SCN1A: variants seen among roughly 807,000 people sequenced by gnomAD.
SCN1A encodes sodium voltage-gated channel alpha subunit 1.
SCN1A carries 13 observed loss-of-function variants against 193.7 expected under a neutral mutation model. The ratio of observed to expected loss-of-function variants is 0.07; its 90% CI spans 0.04 to 0.11. The LOEUF is 0.11. Among genes scored for constraint, SCN1A ranks in the 10% least tolerant of loss-of-function variants. The pLI, the probability that SCN1A is intolerant of heterozygous loss-of-function variation, is 1.00. For missense variants in SCN1A, 1,432 were observed against 2,451.1 expected (o/e 0.58, Z 8.78); for synonymous variants, 781 against 843.6 (o/e 0.93, Z 1.29).
intron 2 of SCN1A, among the ~76,000 whole-genome samples, chr2:166,083,667 A>G (rs1466663925): frequency 6.6e-6 from 1 of 151,958 alleles, no homozygotes; most frequent in Non-Finnish European, 1.5e-5. Context: ...GATTAATTTC[A>G]TTTTTTTCCT....
intron 1 of SCN1A, 106 bp downstream of exon 1, chr2:166,127,665 A>C (rs568709073): frequency 6.6e-6 from 1 of 152,442 alleles, no homozygotes; most frequent in Non-Finnish European, 1.5e-5. Flanking sequence ...ACATACAAAA[A>C]TGGACTTCCT....
intron 4 of SCN1A, among the ~76,000 whole-genome samples, chr2:166,071,453 G>A (rs1399951453): frequency 2.0e-5 from 3 of 151,980 alleles, no homozygotes; most frequent in Non-Finnish European, 2.9e-5. Flanking sequence ...ACTGTAAAAT[G>A]AATAGATCAG....
intron 21 of SCN1A, 80 bp downstream of exon 21, chr2:166,013,664 G>A: frequency 1.5e-6 from 2 of 1,310,860 alleles, no homozygotes; most frequent in Non-Finnish European, 2.2e-6. Flanking sequence ...CTAAGACAAT[G>A]AAACAAAGGA....
At chr2:166,038,769 TGCCAGTA>T (rs1485168549) in intron 17 of SCN1A, among the ~76,000 whole-genome samples, 1 of 152,240 alleles carries the variant, frequency 6.6e-6, no homozygotes, top group African/African-American at 2.4e-5. Flanking sequence ...GATATTAATT[TGCCAGTA>T]GTGTGCAAAG....
chr2:166,124,273 G>T (rs566653098), intron 2 of SCN1A, among the ~76,000 whole-genome samples: 1 of 151,814 alleles, frequency 6.6e-6, no homozygotes, highest in East Asian at 1.9e-4. Context: ...AAATAGCCCG[G>T]TGTGATGGCT....
In SCN1A at chr2:165,986,863, C is replaced by T. The variant is rs1040908275; in HGVS notation, c.*4382G>A. 1.3e-5 allele frequency: 2 copies of T among 151,996 alleles called. No individual in the cohort carries two copies. The highest frequency in any genetic ancestry group is 4.8e-5 in the African/African-American group (2 of 41,400). The allele number at this position is 151,996 out of a possible 1,614,324, so 9.4% of individuals were successfully genotyped here. On this transcript the variant is annotated 3_prime_UTR_variant, in exon 29 of 29. Coordinates refer to ENST00000674923, the MANE Select transcript of SCN1A (RefSeq NM_001165963.4). ...TTGCATTCACCCCTAAATACTTTAG[C>T]ATGCATTTTCAGAGAATAAGAACAT...
chr2:165,999,613 A>G (rs181920114), intron 25 of SCN1A, 110 bp downstream of exon 25: 1 of 850,456 alleles, frequency 1.2e-6, no homozygotes, highest in African/African-American at 1.7e-5. Context: ...TTTTTCCCAA[A>G]TATTTTAAAT....
At chr2:166,126,233 C>T (rs1691229612) in intron 2 of SCN1A, 1 of 152,168 alleles carries the variant, frequency 6.6e-6, no homozygotes, top group Admixed American at 6.5e-5. Context: ...AAAATCTCTT[C>T]CAGGAGCTTT....
At chr2:166,050,162 T>G (rs1352172994) in intron 9 of SCN1A, among the ~76,000 whole-genome samples, 3 of 152,014 alleles carry the variant, frequency 2.0e-5, no homozygotes, top group Non-Finnish European at 4.4e-5. Flanking sequence ...CTGGATGAAT[T>G]TTTGATATCT....
intron 19 of SCN1A, among the ~76,000 whole-genome samples, chr2:166,024,252 T>C (rs1694453761): frequency 6.6e-6 from 1 of 151,852 alleles, no homozygotes; most frequent in African/African-American, 2.4e-5. Context: ...AACAAACAAA[T>C]AAATAAATGA....
chr2:166,112,012 G>A (rs1689345004), intron 2 of SCN1A, among the ~76,000 whole-genome samples: 1 of 152,092 alleles, frequency 6.6e-6, no homozygotes, highest in Admixed American at 6.6e-5. Flanking sequence ...AAGATGCTGA[G>A]GACATTGTTG....
Position 166,036,412 on chromosome 2 carries a change from C to T in SCN1A, c.3065G>A (p.Gly1022Glu). The stretch of plus-strand genomic sequence containing the variant: ...TATTTTTCTTTTCACATAAGCTACT[C>T]CTTTGTGCATCCTATCCACAGCAAT... ...LQIAVDRMHK[G>E]VAYVKRKIYE... Residue 1022 changes from glycine (G) to glutamate (E), a missense_variant, in exon 19 of 29, where the codon GGA becomes GAA. Physicochemically the swap from Gly to Glu is moderately conservative, Grantham distance 98. Around this residue, in one of 18 missense-constraint regions of SCN1A, gnomAD observed 198 missense variants for 225.8 expected, o/e 0.88. Coordinates refer to ENST00000674923, the MANE Select transcript of SCN1A (RefSeq NM_001165963.4). 6.2e-7 allele frequency: 1 copy of T among 1,603,356 alleles called. No homozygotes were observed.
chr2:166,068,380 G>A (rs1684063237), intron 4 of SCN1A, among the ~76,000 whole-genome samples: 1 of 152,098 alleles, frequency 6.6e-6, no homozygotes, highest in Non-Finnish European at 1.5e-5. Flanking sequence ...AGAAGCACAA[G>A]GAAGAAATAG....
At chr2:166,119,445 A>G (rs1690285687) in intron 2 of SCN1A, among the ~76,000 whole-genome samples, 1 of 152,178 alleles carries the variant, frequency 6.6e-6, no homozygotes, top group African/African-American at 2.4e-5. Context: ...AGGACATACT[A>G]TGTCAGTATT....
chr2:166,068,581 A>G (rs1191733462), intron 4 of SCN1A, among the ~76,000 whole-genome samples: 1 of 152,186 alleles, frequency 6.6e-6, no homozygotes, highest in Non-Finnish European at 1.5e-5. Flanking sequence ...CCCGTTAATT[A>G]CTTTTGCAAG....
At chr2:166,106,310 A>C (rs1688687723) in intron 2 of SCN1A, among the ~76,000 whole-genome samples, 1 of 152,182 alleles carries the variant, frequency 6.6e-6, no homozygotes, top group Non-Finnish European at 1.5e-5. Context: ...ATGTAAGAGA[A>C]TCTAAAGGGT....
At chr2:166,029,644 T>C (rs748729694) in intron 19 of SCN1A, among the ~76,000 whole-genome samples, 1 of 151,890 alleles carries the variant, frequency 6.6e-6, no homozygotes, top group Admixed American at 6.6e-5. Context: ...TGGGAAAAAA[T>C]GGAAATCTAG....
chr2:166,022,552 A>G (rs960256925), intron 19 of SCN1A, among the ~76,000 whole-genome samples: 2 of 152,186 alleles, frequency 1.3e-5, no homozygotes, highest in Admixed American at 6.5e-5. Context: ...GACAGTCTGT[A>G]GTAAGCAGAA....
intron 26 of SCN1A, among the ~76,000 whole-genome samples, chr2:165,996,688 T>C (rs1347129803): frequency 1.3e-5 from 2 of 151,342 alleles, no homozygotes; most frequent in Non-Finnish European, 3.0e-5. Context: ...GGATAGAAGA[T>C]TGGAACACTG....
Sources: gnomAD v4.1 joint callset for allele counts (sites outside exome capture counted in the v4.1 genomes callset) on GRCh38, gnomAD v4.1.1 for gene constraint, gnomAD v4.1.1 regional missense constraint, MANE v1.5 for transcripts, NCBI Gene and HGNC (gene_info 2026-07-23, HGNC 2026-07-21) for gene names.